CREB5: variants seen among roughly 807,000 people sequenced by gnomAD.
CREB5 encodes the protein cyclic AMP-responsive element-binding protein 5.
A neutral mutation model predicts 57.1 loss-of-function variants in CREB5; 19 were observed. The observed-to-expected ratio is 0.33, with a 90% CI of 0.23 to 0.49. CREB5 has a LOEUF of 0.49. CREB5 is among the 20% of genes least tolerant of loss of function. CREB5 has a pLI of 0.99. For synonymous variants in CREB5, 238 were observed against 238.3 expected (o/e 1.00, Z 0.01); for missense variants, 579 against 671.6 (o/e 0.86, Z 1.52).
At position 28,804,490 on chromosome 7, in the gene CREB5, C is replaced by A. The variant is rs1475857925; in HGVS notation, c.994C>A (p.His332Asn). Residue 332 changes from histidine (H) to asparagine (N), a missense_variant, in exon 8 of 11, where the codon CAT becomes AAT. This residue lies in a region of CREB5 where 459 missense variants were observed against 515.7 expected (regional missense o/e 0.89). Coordinates refer to ENST00000357727, the MANE Select transcript of CREB5 (RefSeq NM_182898.4). Reference protein sequence around the residue: ...AHPAHHQTSPHPPLHTGNQAQ... With the variant: ...AHPAHHQTSPNPPLHTGNQAQ... The stretch of plus-strand genomic sequence containing the variant: ...CCCAGCACATCACCAGACCTCGCCA[C>A]ATCCGCCCCTGCACACCGGCAACCA... 1.2e-6 allele frequency: 2 copies of A among 1,614,180 alleles called. No homozygotes were observed. Among genetic ancestry groups the A allele is most frequent in the East Asian group, 2.2e-5 (1 of 44,890 alleles).
At chr7:28,606,099 T>A (rs183094289) in intron 5 of CREB5, among the ~76,000 whole-genome samples, 1 of 152,320 alleles carries the variant, frequency 6.6e-6, no homozygotes, top group East Asian at 1.9e-4. Context: ...GCTCTCTAAT[T>A]GTCCTTTGAT....
At chr7:28,795,333 G>A (rs898435265) in intron 7 of CREB5, among the ~76,000 whole-genome samples, 5 of 152,058 alleles carry the variant, frequency 3.3e-5, no homozygotes, top group African/African-American at 9.7e-5. Flanking sequence ...AGATCTTTAC[G>A]GATACTGATT....
At chr7:28,350,582 AAAAC>A (rs1318830414) in intron 1 of CREB5, among the ~76,000 whole-genome samples, 3 of 152,166 alleles carry the variant, frequency 2.0e-5, no homozygotes, top group Admixed American at 6.5e-5. Context: ...AAGCAAACAA[AAAAC>A]AAACAAACAA....
At chr7:28,469,406 A>C (rs534027108) in intron 1 of CREB5, among the ~76,000 whole-genome samples, 1 of 152,294 alleles carries the variant, frequency 6.6e-6, no homozygotes, top group Non-Finnish European at 1.5e-5. Flanking sequence ...AGCTGGGGCA[A>C]TTAAGAGTTT....
chr7:28,708,937 C>G (rs1000633433), intron 5 of CREB5, among the ~76,000 whole-genome samples: 13 of 152,146 alleles, frequency 8.5e-5, no homozygotes, highest in African/African-American at 3.1e-4. Flanking sequence ...ATGTAAATGA[C>G]AAGACTCATA....
In CREB5 at chr7:28,442,950, T is replaced by C. The variant is rs535150450; in HGVS notation, c.3+30033T>C. Among the ~76,000 whole-genome samples, 6 of 152,312 alleles carry C rather than the reference T, an allele frequency of 3.9e-5. No individual in the cohort carries two copies. In the South Asian group the frequency reaches 1.2e-3, roughly 32 times the overall value. On this transcript the variant is annotated intron_variant, in intron 1 of 10. Transcript: ENST00000357727. ...GATCATTCCTTACGTAGGACAGTAA[T>C]AGAAGCTAATTTTAATTGAACACCT...
intron 7 of CREB5, among the ~76,000 whole-genome samples, chr7:28,766,183 T>A (rs534668467): frequency 2.0e-5 from 3 of 152,186 alleles, no homozygotes; most frequent in Non-Finnish European, 2.9e-5. Flanking sequence ...GCCACTATGC[T>A]TATTTTCTTT....
intron 5 of CREB5, among the ~76,000 whole-genome samples, chr7:28,630,943 G>A (rs780556051): frequency 1.3e-5 from 2 of 152,134 alleles, no homozygotes; most frequent in Non-Finnish European, 2.9e-5. Context: ...TTGCCCCCGT[G>A]TTAGATATGA....
At chr7:28,629,488 T>C (rs1798122871) in intron 5 of CREB5, among the ~76,000 whole-genome samples, 1 of 152,206 alleles carries the variant, frequency 6.6e-6, no homozygotes, top group African/African-American at 2.4e-5. Context: ...GTATTCACTG[T>C]TGAGCAGGCA....
chr7:28,640,334 A>G (rs765117689), intron 5 of CREB5, among the ~76,000 whole-genome samples: 1 of 152,184 alleles, frequency 6.6e-6, no homozygotes, highest in Non-Finnish European at 1.5e-5. Flanking sequence ...TTTGATTTTG[A>G]TCACACATGA....
intron 5 of CREB5, among the ~76,000 whole-genome samples, chr7:28,677,621 G>A (rs937035482): frequency 2.0e-5 from 3 of 152,188 alleles, no homozygotes; most frequent in Non-Finnish European, 4.4e-5. Context: ...GAGTCAGAGT[G>A]TTCATTAGAT....
chr7:28,598,077 A>C (rs310354), intron 5 of CREB5, among the ~76,000 whole-genome samples: 76,602 of 151,956 alleles, frequency 0.5, 19,846 homozygotes, highest in Middle Eastern at 0.56. Context: ...CCCTGCCCAA[A>C]TCTCAACTTG....
At chr7:28,360,897 G>A (rs55634054) in intron 1 of CREB5, among the ~76,000 whole-genome samples, 22,716 of 152,070 alleles carry the variant, frequency 0.15, 1,881 homozygotes, top group Non-Finnish European at 0.19. Flanking sequence ...ACTGGGGGAA[G>A]CTTTGTTTGA....
intron 1 of CREB5, among the ~76,000 whole-genome samples, chr7:28,356,516 G>T (rs73293269): frequency 6.6e-6 from 1 of 152,134 alleles, no homozygotes; most frequent in Non-Finnish European, 1.5e-5. Context: ...ATAAACCCAC[G>T]GGCAGACCGA....
intron 1 of CREB5, among the ~76,000 whole-genome samples, chr7:28,442,048 C>T (rs1389697135): frequency 2.2e-4 from 33 of 152,064 alleles, no homozygotes. Context: ...ACTTATTCCT[C>T]CTAACTCTTT....
At chr7:28,352,523 T>G (rs1786252932) in intron 1 of CREB5, among the ~76,000 whole-genome samples, 1 of 152,224 alleles carries the variant, frequency 6.6e-6, no homozygotes, top group South Asian at 2.1e-4. Flanking sequence ...AATTTATCAT[T>G]TGACACTGTT....
chr7:28,754,147 G>A (rs755429296), intron 7 of CREB5, among the ~76,000 whole-genome samples: 6 of 152,210 alleles, frequency 3.9e-5, no homozygotes, highest in Admixed American at 6.5e-5. Context: ...CATTGTGGCC[G>A]GGTGAGGTCA....
At chr7:28,686,253 T>G in intron 5 of CREB5, 1 of 1,384,338 alleles carries the variant, frequency 7.2e-7, no homozygotes, top group Non-Finnish European at 1.0e-6. Context: ...TTTTTGCCCC[T>G]ACTGCCTTCT....
chr7:28,750,603 C>T (rs74887179), intron 7 of CREB5, among the ~76,000 whole-genome samples: 5 of 34,708 alleles, frequency 1.4e-4, no homozygotes, highest in East Asian at 4.9e-4. Context: ...AAATATATCA[C>T]TTTTTTTATT....
Sources: allele counts gnomAD v4.1 joint callset (sites outside exome capture counted in the v4.1 genomes callset), GRCh38; gene constraint gnomAD v4.1.1; regional missense constraint gnomAD v4.1.1; transcripts MANE v1.5; gene names NCBI Gene and HGNC (gene_info 2026-07-23, HGNC 2026-07-21).